Variants in SLC30A10 observed in about 807,000 individuals in gnomAD.
SLC30A10 encodes solute carrier family 30 member 10, also known as calcium/manganese antiporter SLC30A10.
In SLC30A10, 8 loss-of-function variants were observed where a neutral mutation model predicts 21.7. The ratio of observed to expected loss-of-function variants is 0.37; its 90% confidence interval spans 0.22 to 0.67. The LOEUF (loss-of-function observed/expected upper bound fraction) is 0.67, where lower values mean the gene tolerates loss of function less well. Ranked by LOEUF, SLC30A10 falls within the 30% of genes least tolerant of loss-of-function variation. SLC30A10 has a pLI of 0.58. For synonymous variants in SLC30A10, 272 were observed against 279.4 expected (o/e 0.97, Z 0.26); for missense variants, 521 against 642.5 (o/e 0.81, Z 2.04).
At chr1:219,942,986 G>A (rs59846009) in intron 1 of SLC30A10, among the ~76,000 whole-genome samples, 20,238 of 152,106 alleles carry the variant, frequency 0.13, 2,140 homozygotes, top group African/African-American at 0.29. Context: ...CAGAGGTTTC[G>A]ATGAGCTGAG....
At chr1:219,934,602 CT>C (rs1013923302) in intron 1 of SLC30A10, among the ~76,000 whole-genome samples, 9 of 152,062 alleles carry the variant, frequency 5.9e-5, no homozygotes, top group Non-Finnish European at 1.3e-4. Context: ...AGGATGATGC[CT>C]TTTTTTCTCG....
Position 219,927,834 on chromosome 1 carries a change from C to T in SLC30A10, c.607G>A (p.Glu203Lys). 1 of 1,548,790 alleles carries T rather than the reference C, an allele frequency of 6.5e-7. No individual in the cohort carries two copies. The highest frequency in any genetic ancestry group is 1.9e-5 in the Admixed American group (1 of 51,420). Residue 203 changes from glutamate to lysine, a missense_variant, in exon 1 of 4, where the codon GAG becomes AAG. Transcript: ENST00000366926. ...LRGTSVERKR[E>K]KGATVFANVA... ...TTTGCGAACACGGTCGCCCCCTTCT[C>T]CCGCTTCCTTTCCACCGAGGTCCCC...
intron 3 of SLC30A10, among the ~76,000 whole-genome samples, 182 bp from the exon 4 acceptor site, chr1:219,916,130 C>T (rs1659536496): frequency 6.6e-6 from 1 of 152,208 alleles, no homozygotes; most frequent in African/African-American, 2.4e-5. Context: ...TTTCTCCACA[C>T]ATTGTTAGTC....
At chr1:219,928,567 G>T, upstream of SLC30A10, 1 of 858,098 alleles carries the variant, frequency 1.2e-6, no homozygotes, top group South Asian at 2.1e-5. This position sits in a 1 kb window ranked among gnomAD's most constrained non-coding sequence, Gnocchi z 6.3. Context: ...TGTCTCGCCG[G>T]CCCTGCCCCA....
chr1:219,927,024 C>T lies in SLC30A10; in HGVS notation c.718+4G>A, dbSNP rs766276844. On this transcript the variant is annotated splice_donor_region_variant and intron_variant, in intron 2 of 3. Coordinates refer to ENST00000366926, the MANE Select transcript of SLC30A10 (RefSeq NM_018713.3). ...ATTTCAAATAGGCCCAAAGTCAATC[C>T]TACCTCTGATATTCAGAGCTTCAGA... 1.6e-5 allele frequency: 25 copies of T among 1,604,636 alleles called. No homozygotes were observed. In the East Asian group the frequency reaches 3.6e-4, roughly 23 times the overall value.
At chr1:219,941,714 CT>C (rs1377849044) in intron 1 of SLC30A10, among the ~76,000 whole-genome samples, 2 of 151,530 alleles carry the variant, frequency 1.3e-5, no homozygotes, top group African/African-American at 4.9e-5. Context: ...CTCTCTCCCC[CT>C]CTCCCCTTCT....
chr1:219,957,896 G>C (rs1374623772), intron 1 of SLC30A10, among the ~76,000 whole-genome samples: 1 of 152,044 alleles, frequency 6.6e-6, no homozygotes, highest in Non-Finnish European at 1.5e-5. Context: ...TAATAAGTTT[G>C]GTACTCACAC....
At chr1:219,929,221 C>T (rs1017144876), upstream of SLC30A10, among the ~76,000 whole-genome samples, 1 of 152,238 alleles carries the variant, frequency 6.6e-6, no homozygotes, top group Admixed American at 6.5e-5. Flanking sequence ...AAGATCGTCC[C>T]CGTTCCCCTT....
In SLC30A10 at chr1:219,915,488, A is replaced by G. The variant is rs373607434; in HGVS notation, c.1419T>C (p.Thr473=). 1 of 1,614,192 alleles carries G rather than the reference A, an allele frequency of 6.2e-7. No individual in the cohort carries two copies. The highest frequency in any genetic ancestry group is 8.5e-7 in the Non-Finnish European group (1 of 1,180,040). ...TGTTGACATAACATTGGTCCTCCTG[A>G]GTTTTGTTAAGACTTTGTCCGTGGT... The part of the protein sequence containing the change: ...LSDHGQSLNK[T]QEDQCYVNRT... Residue 473 remains threonine (T), a synonymous_variant, in exon 4 of 4, where the codon ACT becomes ACC. Coordinates refer to ENST00000366926, the MANE Select transcript of SLC30A10 (RefSeq NM_018713.3).
In SLC30A10 at chr1:219,911,149, GTTTTTTT is replaced by G; in HGVS notation, c.*4293_*4299del. On this transcript the variant is annotated 3_prime_UTR_variant, in exon 4 of 4. Transcript: ENST00000366926. ...ATGTTTCTTCATTTTTTCTACATCA[GTTTTTTT>G]TTTTTTTTTTTTTTTTTTGCAGTCT... Among the ~76,000 whole-genome samples the G allele has an allele frequency of 2.5e-3, 122 of 49,418 alleles. No individual in the cohort carries two copies. The highest frequency in any genetic ancestry group is 0.013 in the South Asian group (13 of 1,020). 32.4% of individuals were successfully genotyped at this position (49,418 alleles called of 152,430 possible).
chr1:219,927,663 A>AAAAC, intron 1 of SLC30A10, 138 bp downstream of exon 1: 1 of 369,718 alleles, frequency 2.7e-6, no homozygotes, highest in East Asian at 5.5e-5. Context: ...AAAAAAAAAA[A>AAAAC]AAAAACAACA....
intron 1 of SLC30A10, among the ~76,000 whole-genome samples, chr1:219,935,197 A>G (rs1453194866): frequency 2.0e-5 from 3 of 152,288 alleles, no homozygotes; most frequent in African/African-American, 7.2e-5. Flanking sequence ...TTGATTCTAG[A>G]CCTAATTGTT....
Position 219,928,263 on chromosome 1 carries a change from TG to T in SLC30A10, c.177del (p.Tyr59Ter). On this transcript the variant is annotated frameshift_variant, in exon 1 of 4. Transcript: ENST00000366926. LOFTEE classifies it high-confidence loss of function. The surrounding 1 kb of genome is among the most constrained non-coding windows in gnomAD (Gnocchi z 6.3). ...ISLCVGLSAG[Y>X]IARRPTRGFS... ...AAGCCCCGGGTGGGGCGCCGGGCGATGTAGCCGGCGCTCAGGCCCACGCACA... is the reference window on the plus strand; with the variant it reads ...AAGCCCCGGGTGGGGCGCCGGGCGATTAGCCGGCGCTCAGGCCCACGCACA... 1 of 1,590,938 alleles carries T rather than the reference TG, an allele frequency of 6.3e-7. No individual in the cohort carries two copies. Among genetic ancestry groups the T allele is most frequent in the Non-Finnish European group, 8.5e-7 (1 of 1,169,940 alleles).
At chr1:219,945,937 C>G (rs1660181611) in intron 1 of SLC30A10, among the ~76,000 whole-genome samples, 1 of 152,186 alleles carries the variant, frequency 6.6e-6, no homozygotes, top group Non-Finnish European at 1.5e-5. Context: ...GGAACTCCAA[C>G]TCCACCAGGC....
At chr1:219,946,172 G>T (rs1660184727) in intron 1 of SLC30A10, among the ~76,000 whole-genome samples, 2 of 152,034 alleles carry the variant, frequency 1.3e-5, no homozygotes, top group Admixed American at 6.6e-5. Flanking sequence ...TTTTTATATT[G>T]CTGACATTGA....
intron 1 of SLC30A10, among the ~76,000 whole-genome samples, chr1:219,949,608 G>T (rs1038170788): frequency 6.6e-6 from 1 of 152,086 alleles, no homozygotes; most frequent in African/African-American, 2.4e-5. Context: ...GGACTGTTGG[G>T]GGGAGCGGGA....
Position 219,927,934 on chromosome 1 carries a change from C to T in SLC30A10, c.507G>A (p.Gly169=), listed in dbSNP as rs778468197. The change falls in exon 1 of 4, where the codon GGG becomes GGA. Residue 169 remains glycine, a synonymous_variant. Coordinates refer to ENST00000366926, the MANE Select transcript of SLC30A10 (RefSeq NM_018713.3). The part of the protein sequence containing the change: ...AEGCVPGAFG[G]PQGAEDPRRA... Reference sequence around the variant, plus strand: ...GCCGCGGGTCCTCCGCGCCCTGAGGCCCCCCGAAAGCGCCGGGGACACAGC... The same window carrying T: ...GCCGCGGGTCCTCCGCGCCCTGAGGTCCCCCGAAAGCGCCGGGGACACAGC... 8 of 1,537,642 alleles carry T rather than the reference C, an allele frequency of 5.2e-6. No individual in the cohort carries two copies. The highest frequency in any genetic ancestry group is 2.0e-5 in the Admixed American group (1 of 49,914).
chr1:219,935,345 G>C (rs1425487389), intron 1 of SLC30A10, among the ~76,000 whole-genome samples: 2 of 152,140 alleles, frequency 1.3e-5, no homozygotes, highest in African/African-American at 2.4e-5. Flanking sequence ...TAGACTATAT[G>C]AACATGAAAA....
chr1:219,943,709 CA>C lies in SLC30A10; in HGVS notation n.80+14858del, dbSNP rs1660148570. Among the ~76,000 whole-genome samples, 5 of 152,032 alleles carry C rather than the reference CA, an allele frequency of 3.3e-5. 1 individual carries two copies. The South Asian group carries it at 1.0e-3, about 32-fold the overall frequency. On this transcript the variant is annotated intron_variant and non_coding_transcript_variant, in intron 1 of 8. Transcript: ENST00000484239. The stretch of plus-strand genomic sequence containing the variant: ...CAAGCAATTACAAATACATTTGAAA[CA>C]AATAAAAATACGGAAAGTCTCAGCA...
Sources: gnomAD v4.1 joint callset for allele counts (sites outside exome capture counted in the v4.1 genomes callset) on GRCh38, gnomAD v4.1.1 for gene constraint, Gnocchi (gnomAD v3.1) non-coding constraint, MANE v1.5 for transcripts, NCBI Gene and HGNC (gene_info 2026-07-23, HGNC 2026-07-21) for gene names.